The following KIF13B variants were observed in gnomAD, a reference collection of about 807,000 sequenced individuals.
KIF13B encodes the protein kinesin family member 13B, also known as kinesin-like protein KIF13B.
KIF13B carries 127 observed loss-of-function variants against 222.0 expected under a neutral mutation model. The ratio of observed to expected loss-of-function variants is 0.57; its 90% confidence interval spans 0.50 to 0.66. The LOEUF (loss-of-function observed/expected upper bound fraction) is 0.66, where lower values mean the gene tolerates loss of function less well. KIF13B is among the 30% of genes least tolerant of loss of function. The pLI is 0.00. For synonymous variants in KIF13B, 976 were observed against 919.0 expected (o/e 1.06, Z -1.12); for missense variants, 2,173 against 2,379.0 (o/e 0.91, Z 1.80).
At chr8:29,218,041 T>C (rs1444336276) in intron 2 of KIF13B, among the ~76,000 whole-genome samples, 1 of 152,228 alleles carries the variant, frequency 6.6e-6, no homozygotes, top group African/African-American at 2.4e-5. Context: ...TGAAATACTC[T>C]ACGTGTCTAG....
At chr8:29,187,427 A>G (rs1400859812) in intron 5 of KIF13B, among the ~76,000 whole-genome samples, 1 of 152,194 alleles carries the variant, frequency 6.6e-6, no homozygotes, top group East Asian at 1.9e-4. Context: ...GCTACTCCGG[A>G]GGCTGAGGCA....
At chr8:29,207,873 C>T (rs1003793724) in intron 2 of KIF13B, among the ~76,000 whole-genome samples, 2 of 151,970 alleles carry the variant, frequency 1.3e-5, no homozygotes, top group Non-Finnish European at 2.9e-5. Flanking sequence ...CAATAGTTAC[C>T]GCTCAAAAAA....
At chr8:29,241,703 A>C (rs1044456021) in intron 2 of KIF13B, among the ~76,000 whole-genome samples, 3 of 106,954 alleles carry the variant, frequency 2.8e-5, no homozygotes, top group Non-Finnish European at 5.2e-5. Flanking sequence ...GCAGCAAGGG[A>C]GGGAAAAAAA....
chr8:29,150,688 C>A (rs781425377), intron 14 of KIF13B, among the ~76,000 whole-genome samples: 1 of 152,146 alleles, frequency 6.6e-6, no homozygotes, highest in East Asian at 1.9e-4. Context: ...TCAAACAGCA[C>A]GTGCTCACTT....
chr8:29,207,439 C>T (rs554734365), intron 2 of KIF13B, among the ~76,000 whole-genome samples: 2 of 152,238 alleles, frequency 1.3e-5, no homozygotes, highest in African/African-American at 4.8e-5. Context: ...CCTGAGGACA[C>T]AGAAGGCGTT....
intron 4 of KIF13B, chr8:29,190,776 G>A: frequency 3.5e-6 from 2 of 564,054 alleles, no homozygotes; most frequent in South Asian, 3.8e-5. Flanking sequence ...TCGGAACTGA[G>A]TTAGAGGACA....
intron 2 of KIF13B, among the ~76,000 whole-genome samples, chr8:29,234,524 C>T (rs755550630): frequency 3.4e-5 from 5 of 147,698 alleles, no homozygotes; most frequent in Non-Finnish European, 6.0e-5. Context: ...GAATGGGGAT[C>T]TCGTATGTAA....
intron 2 of KIF13B, among the ~76,000 whole-genome samples, chr8:29,244,520 C>G (rs1029284606): frequency 1.3e-5 from 2 of 152,166 alleles, no homozygotes; most frequent in Admixed American, 6.5e-5. Context: ...CCACTCTGAC[C>G]CATTCTCTAC....
chr8:29,207,874 G>A (rs909731024), intron 2 of KIF13B, among the ~76,000 whole-genome samples: 13 of 152,064 alleles, frequency 8.5e-5, no homozygotes, highest in Non-Finnish European at 1.8e-4. Flanking sequence ...AATAGTTACC[G>A]CTCAAAAAAA....
intron 7 of KIF13B, among the ~76,000 whole-genome samples, chr8:29,181,058 C>T (rs1377416260): frequency 6.6e-6 from 1 of 152,214 alleles, no homozygotes; most frequent in Non-Finnish European, 1.5e-5. Context: ...TTCCCAGATG[C>T]CCTTGCAGCT....
intron 2 of KIF13B, among the ~76,000 whole-genome samples, chr8:29,202,991 T>C (rs1049602903): frequency 6.6e-6 from 1 of 152,146 alleles, no homozygotes; most frequent in Non-Finnish European, 1.5e-5. Flanking sequence ...TTGAACCCTA[T>C]ACAAAAGTGA....
chr8:29,156,889 T>G (rs1811557694), intron 13 of KIF13B, among the ~76,000 whole-genome samples: 1 of 152,066 alleles, frequency 6.6e-6, no homozygotes, highest in African/African-American at 2.4e-5. Context: ...ATATATCAAA[T>G]GGAATAAGCG....
chr8:29,171,730 TA>T lies in KIF13B; in HGVS notation c.946-4146del, dbSNP rs529808997. ...ATCTTCTGTGAAGTCCAAATGACGT[TA>T]AAAAAAATCATATAATTTTTTTTTC... On this transcript the variant is annotated intron_variant, in intron 10 of 39. Coordinates refer to ENST00000524189, the MANE Select transcript of KIF13B (RefSeq NM_015254.4). Among the ~76,000 whole-genome samples, 632 of 150,062 alleles carry T rather than the reference TA, an allele frequency of 4.2e-3. 4 individuals carry two copies. Among genetic ancestry groups the T allele is most frequent in the African/African-American group, 0.014 (591 of 40,986 alleles).
intron 8 of KIF13B, among the ~76,000 whole-genome samples, chr8:29,179,628 G>A (rs1406317948): frequency 6.6e-6 from 1 of 152,232 alleles, no homozygotes; most frequent in East Asian, 1.9e-4. Context: ...CAAAAGCAGA[G>A]CAGAGGCTGC....
In KIF13B at chr8:29,146,440, T is replaced by G; in HGVS notation, c.2125A>C (p.Lys709Gln). 1 of 1,614,012 alleles carries G rather than the reference T, an allele frequency of 6.2e-7. No individual in the cohort carries two copies. Among genetic ancestry groups the G allele is most frequent in the Non-Finnish European group, 8.5e-7 (1 of 1,179,870 alleles). The change falls in exon 18 of 40, where the codon AAA (lysine) becomes CAA (glutamine). Residue 709 changes from lysine (K) to glutamine (Q), a missense_variant. Lys to Gln is a moderately conservative substitution (Grantham distance 53). Around this residue, in one of 2 missense-constraint regions of KIF13B, gnomAD observed 1,480 missense variants for 1,722.8 expected, o/e 0.86. Coordinates refer to ENST00000524189, the MANE Select transcript of KIF13B (RefSeq NM_015254.4). ...AGGGTAACTTTGTATTCTGTTCTTT[T>G]ATCCAGCTCCTCAGCAATGTAATTA... ...EANYIAEELD[K>Q]RTEYKVTLQI...
intron 26 of KIF13B, among the ~76,000 whole-genome samples, chr8:29,125,355 T>C (rs1208923322): frequency 6.6e-6 from 1 of 152,170 alleles, no homozygotes; most frequent in African/African-American, 2.4e-5. Flanking sequence ...GCAGATATAG[T>C]GTGTCTGGGC....
chr8:29,192,550 T>A (rs28477621), intron 3 of KIF13B, among the ~76,000 whole-genome samples: 1 of 152,114 alleles, frequency 6.6e-6, no homozygotes, highest in African/African-American at 2.4e-5. Flanking sequence ...ATGCCCAGTC[T>A]AAATTTGTTT....
At chr8:29,156,994 C>G (rs1056974199) in intron 13 of KIF13B, among the ~76,000 whole-genome samples, 6 of 152,094 alleles carry the variant, frequency 3.9e-5, no homozygotes, top group Non-Finnish European at 7.4e-5. Context: ...ACCAGTCAGT[C>G]AACTGAAAAG....
At chr8:29,125,004 C>T (rs1326645260) in intron 26 of KIF13B, among the ~76,000 whole-genome samples, 2 of 152,072 alleles carry the variant, frequency 1.3e-5, no homozygotes, top group Non-Finnish European at 2.9e-5. Flanking sequence ...GAGCCAAGAT[C>T]ACTCCACTGC....
Sources: allele counts gnomAD v4.1 joint callset (sites outside exome capture counted in the v4.1 genomes callset), GRCh38; gene constraint gnomAD v4.1.1; regional missense constraint gnomAD v4.1.1; transcripts MANE v1.5; gene names NCBI Gene and HGNC (gene_info 2026-07-23, HGNC 2026-07-21).